The following NFIA variants were observed in gnomAD, a reference collection of about 807,000 sequenced individuals.
NFIA encodes the protein nuclear factor 1 A-type.
NFIA carries 8 observed loss-of-function variants against 62.8 expected under a neutral mutation model. That is an observed-to-expected ratio of 0.13 (90% CI 0.07 to 0.23). NFIA has a LOEUF of 0.23. NFIA is among the 10% of genes least tolerant of loss of function. The probability of loss-of-function intolerance (pLI) is 1.00; values close to 1 mark genes in which losing one functional copy is unlikely to be tolerated. For missense variants in NFIA, 410 were observed against 642.1 expected, an observed-to-expected ratio of 0.64 and a Z score of 3.91; for synonymous variants, 235 against 238.1, an observed-to-expected ratio of 0.99 and a Z score of 0.12.
chr1:61,110,412 A>C (rs1646675736), intron 2 of NFIA, among the ~76,000 whole-genome samples: 1 of 152,022 alleles, frequency 6.6e-6, no homozygotes, highest in Non-Finnish European at 1.5e-5. Flanking sequence ...ATTATTTGGG[A>C]GAAAATGATT....
At chr1:61,333,578 A>G (rs1002332648) in intron 4 of NFIA, among the ~76,000 whole-genome samples, 3 of 152,232 alleles carry the variant, frequency 2.0e-5, no homozygotes, top group Non-Finnish European at 2.9e-5. Flanking sequence ...ACTGTCTGCC[A>G]GGCACTGTCG....
chr1:61,222,327 A>G (rs1232394117), intron 2 of NFIA, among the ~76,000 whole-genome samples: 1 of 152,124 alleles, frequency 6.6e-6, no homozygotes, highest in Non-Finnish European at 1.5e-5. Flanking sequence ...TTATGTTTCT[A>G]AGGTTTCCGT....
intron 2 of NFIA, among the ~76,000 whole-genome samples, chr1:61,193,208 A>T (rs1028410092): frequency 1.3e-5 from 2 of 152,250 alleles, no homozygotes; most frequent in African/African-American, 2.4e-5. Flanking sequence ...AAACGTTCAC[A>T]TGCTTATGAA....
chr1:61,184,235 C>T (rs1019046044), intron 2 of NFIA, among the ~76,000 whole-genome samples: 7 of 151,992 alleles, frequency 4.6e-5, no homozygotes, highest in African/African-American at 7.3e-5. Context: ...GGGTTCAGGC[C>T]GCCATTTTAA....
chr1:61,079,475 TGCAAG>T (rs1276566387), upstream of NFIA, among the ~76,000 whole-genome samples: 1 of 152,154 alleles, frequency 6.6e-6, no homozygotes, highest in African/African-American at 2.4e-5. Flanking sequence ...ACACAGTAAA[TGCAAG>T]GCTGGGCTCT....
intron 5 of NFIA, among the ~76,000 whole-genome samples, chr1:61,353,702 C>T (rs951879454): frequency 6.6e-6 from 1 of 152,150 alleles, no homozygotes; most frequent in Non-Finnish European, 1.5e-5. Context: ...TCAACTTAGT[C>T]ATCCCTAATA....
chr1:61,187,214 C>CTAT (rs1256970011), intron 2 of NFIA, among the ~76,000 whole-genome samples: 10 of 152,136 alleles, frequency 6.6e-5, no homozygotes, highest in African/African-American at 1.7e-4. Context: ...ACTACGACTG[C>CTAT]TATTATTATT....
intron 2 of NFIA, among the ~76,000 whole-genome samples, chr1:61,145,447 T>C: frequency 6.6e-6 from 1 of 152,328 alleles, no homozygotes; most frequent in African/African-American, 2.4e-5. Flanking sequence ...ACCAATAGAT[T>C]ATCAAGGTTT....
rs755058879 is a variant in NFIA, at chr1:61,406,719, C to T, written c.1412C>T (p.Thr471Met). Residue 471 changes from threonine to methionine, a missense_variant, in exon 9 of 11, where the codon ACG becomes ATG. This residue lies in a region of NFIA where 298 missense variants were observed against 438.1 expected (regional missense o/e 0.68). Transcript: ENST00000403491. ...TSTEGGAASP[T>M]SPTYSTPSTS... Reference sequence around the variant, plus strand: ...ACAGAAGGAGGTGCAGCCTCCCCCACGTCACCAAGTAAGTATGGCTGCGAC... The same window carrying T: ...ACAGAAGGAGGTGCAGCCTCCCCCATGTCACCAAGTAAGTATGGCTGCGAC... 2.5e-6 allele frequency: 4 copies of T among 1,608,082 alleles called. No homozygotes were observed. Among genetic ancestry groups the T allele is most frequent in the Admixed American group, 1.7e-5 (1 of 59,298 alleles).
rs191198136 is a variant in NFIA, at chr1:61,088,082, G to A, written c.28-67G>A. The stretch of plus-strand genomic sequence containing the variant: ...AGGAATTTCTTTCTTAAGGTGACCC[G>A]CTGAAGAAAAGTTGTTTTCTTTTGT... On this transcript the variant is annotated intron_variant, in intron 1 of 10. Coordinates refer to ENST00000403491, the MANE Select transcript of NFIA (RefSeq NM_001134673.4). This position sits in a 1 kb window ranked among gnomAD's most constrained non-coding sequence, Gnocchi z 4.5. 33 of 1,453,522 alleles carry A rather than the reference G, an allele frequency of 2.3e-5. No homozygotes were observed. Among genetic ancestry groups the A allele is most frequent in the Admixed American group, 1.1e-4 (5 of 44,300 alleles). 90.0% of individuals were successfully genotyped at this position (1,453,522 alleles called of 1,614,324 possible).
chr1:61,150,080 G>A (rs1648292062), intron 2 of NFIA, among the ~76,000 whole-genome samples: 1 of 152,174 alleles, frequency 6.6e-6, no homozygotes, highest in Non-Finnish European at 1.5e-5. Flanking sequence ...GTGTTTCAGA[G>A]ATGGCCAGAA....
chr1:61,087,686 A>G (rs899505061), intron 1 of NFIA, among the ~76,000 whole-genome samples: 4 of 152,198 alleles, frequency 2.6e-5, no homozygotes, highest in Non-Finnish European at 5.9e-5. Context: ...TTCCATAAAC[A>G]TTGACTGGCA....
chr1:61,374,790 A>T (rs1244931552), intron 6 of NFIA, among the ~76,000 whole-genome samples: 1 of 152,188 alleles, frequency 6.6e-6, no homozygotes, highest in Non-Finnish European at 1.5e-5. Context: ...AGAAGGATAA[A>T]CCTCAGAAGC....
intron 2 of NFIA, among the ~76,000 whole-genome samples, chr1:61,242,931 A>T (rs1257156237): frequency 6.6e-6 from 1 of 152,108 alleles, no homozygotes; most frequent in Admixed American, 6.6e-5. Context: ...TTGTTCAGTC[A>T]TGGAGCCCTT....
chr1:61,177,653 T>TG (rs1650468549), intron 2 of NFIA, among the ~76,000 whole-genome samples: 67 of 146,162 alleles, frequency 4.6e-4, no homozygotes, highest in African/African-American at 1.6e-3. Flanking sequence ...GTTTTCTCTA[T>TG]TGTGTGTGTG....
rs576613886 is a variant in NFIA at position 61,283,581 on chromosome 1, C to CAAAAAAAAA, written c.625+6015_625+6023dup. 5.9e-3 allele frequency among the ~76,000 whole-genome samples: 217 copies of CAAAAAAAAA among 36,672 alleles called. 14 individuals are homozygous for CAAAAAAAAA. Among genetic ancestry groups the CAAAAAAAAA allele is most frequent in the Admixed American group, 8.3e-3 (19 of 2,286 alleles). The allele number at this position is 36,672 out of a possible 152,430, so 24.1% of individuals were successfully genotyped here. A position where few individuals can be genotyped will look rare whatever the true frequency, so the allele number is the denominator to read the frequency against. On this transcript the variant is annotated intron_variant, in intron 3 of 10. Transcript: ENST00000403491. ...TGGGTGACAGAACGAGACTCTGTCT[C>CAAAAAAAAA]AAAAAAAAAAAAAAAAAAAAAAAAA...
chr1:61,239,883 T>C (rs190849554), intron 2 of NFIA, among the ~76,000 whole-genome samples: 1 of 152,248 alleles, frequency 6.6e-6, no homozygotes, highest in Admixed American at 6.5e-5. Context: ...GTTTCCTCTC[T>C]AGTGAAAATA....
intron 2 of NFIA, among the ~76,000 whole-genome samples, chr1:61,240,283 A>G (rs926011494): frequency 1.3e-5 from 2 of 152,064 alleles, no homozygotes; most frequent in Non-Finnish European, 1.5e-5. Context: ...GTGCCATTGT[A>G]AGTTATATCA....
At chr1:61,402,033 C>CTTTTTTTTTTTTTTTTTT (rs10636290) in intron 7 of NFIA, among the ~76,000 whole-genome samples, 1 of 94,568 alleles carries the variant, frequency 1.1e-5, no homozygotes, top group Non-Finnish European at 1.9e-5. Flanking sequence ...ACTCATTTTT[C>CTTTTTTTTTTTTTTTTTT]TTTTTTTTTT....
Sources: gnomAD v4.1 joint callset for allele counts (sites outside exome capture counted in the v4.1 genomes callset) on GRCh38, gnomAD v4.1.1 for gene constraint, gnomAD v4.1.1 regional missense constraint, Gnocchi (gnomAD v3.1) non-coding constraint, MANE v1.5 for transcripts, NCBI Gene and HGNC (gene_info 2026-07-23, HGNC 2026-07-21) for gene names.